The following RGS7BP variants were observed in gnomAD, a reference collection of about 807,000 sequenced individuals.
RGS7BP encodes regulator of G protein signaling 7-binding protein.
Under a neutral mutation model 31.3 loss-of-function variants are expected in RGS7BP, and 9 were observed. The ratio of observed to expected loss-of-function variants is 0.29; its 90% CI spans 0.17 to 0.50. The LOEUF is 0.50. Among genes scored for constraint, RGS7BP ranks in the 20% least tolerant of loss-of-function variants. RGS7BP has a pLI of 0.98. For missense variants in RGS7BP, 274 were observed against 322.0 expected (o/e 0.85, Z 1.14); for synonymous variants, 115 against 120.1 (o/e 0.96, Z 0.28).
At chr5:64,529,223 T>C (rs1050027371) in intron 2 of RGS7BP, among the ~76,000 whole-genome samples, 12 of 152,206 alleles carry the variant, frequency 7.9e-5, no homozygotes, top group Non-Finnish European at 1.6e-4. Context: ...ATAGAATATT[T>C]CATTTCAGAA....
At chr5:64,538,517 C>CCTTTT (rs1171296907) in intron 2 of RGS7BP, among the ~76,000 whole-genome samples, 1 of 88,314 alleles carries the variant, frequency 1.1e-5, no homozygotes, top group Non-Finnish European at 2.4e-5. Context: ...TTTTTTTTTT[C>CCTTTT]CTTTTCTTTT....
chr5:64,550,465 C>T, intron 2 of RGS7BP, among the ~76,000 whole-genome samples: 1 of 150,364 alleles, frequency 6.7e-6, no homozygotes, highest in East Asian at 1.9e-4. Flanking sequence ...CTAAATACCC[C>T]ATCTCCAAAT....
At chr5:64,526,086 A>G (rs1190085648) in intron 2 of RGS7BP, among the ~76,000 whole-genome samples, 1 of 152,140 alleles carries the variant, frequency 6.6e-6, no homozygotes, top group Non-Finnish European at 1.5e-5. Context: ...TTGACAAGGG[A>G]AGAAGGCTTT....
intron 2 of RGS7BP, among the ~76,000 whole-genome samples, chr5:64,527,090 C>T (rs1749249837): frequency 6.6e-6 from 1 of 152,186 alleles, no homozygotes; most frequent in African/African-American, 2.4e-5. Context: ...GTAACATACT[C>T]GGGTCCAGTT....
At chr5:64,535,181 G>A (rs1032437658) in intron 2 of RGS7BP, among the ~76,000 whole-genome samples, 1 of 152,186 alleles carries the variant, frequency 6.6e-6, no homozygotes, top group Admixed American at 6.5e-5. Context: ...AGTGAGATGT[G>A]AGGACGTGGA....
At chr5:64,559,644 G>T (rs1459761920) in intron 2 of RGS7BP, among the ~76,000 whole-genome samples, 1 of 152,104 alleles carries the variant, frequency 6.6e-6, no homozygotes, top group Non-Finnish European at 1.5e-5. Flanking sequence ...GGGATCAGAG[G>T]AAGGAGGAGG....
At chr5:64,542,957 G>C (rs572252587) in intron 2 of RGS7BP, among the ~76,000 whole-genome samples, 2 of 152,084 alleles carry the variant, frequency 1.3e-5, no homozygotes, top group African/African-American at 4.8e-5. Context: ...TTTCTTTCTT[G>C]TGGAAGTAGA....
chr5:64,588,929 T>TA (rs924543594), intron 3 of RGS7BP, among the ~76,000 whole-genome samples: 15 of 148,924 alleles, frequency 1.0e-4, no homozygotes, highest in East Asian at 5.9e-4. Flanking sequence ...TCCCCAACCC[T>TA]AAAAAAAAAA....
chr5:64,527,492 G>T (rs2111914137), intron 2 of RGS7BP, among the ~76,000 whole-genome samples: 1 of 152,084 alleles, frequency 6.6e-6, no homozygotes, highest in African/African-American at 2.4e-5. Flanking sequence ...CAAGATTTCA[G>T]CTGGGTAATT....
chr5:64,581,655 T>G (rs1359658172), intron 3 of RGS7BP, among the ~76,000 whole-genome samples: 2 of 152,206 alleles, frequency 1.3e-5, no homozygotes, highest in African/African-American at 4.8e-5. Flanking sequence ...GCAGTGAACT[T>G]GAATTTAGTA....
intron 2 of RGS7BP, among the ~76,000 whole-genome samples, chr5:64,541,790 A>T: frequency 6.6e-6 from 1 of 151,576 alleles, no homozygotes; most frequent in Non-Finnish European, 1.5e-5. Flanking sequence ...TACTAAATCC[A>T]CCTCTGTCAA....
chr5:64,541,707 A>C (rs1741529607), intron 2 of RGS7BP, among the ~76,000 whole-genome samples: 1 of 152,010 alleles, frequency 6.6e-6, no homozygotes, highest in African/African-American at 2.4e-5. Flanking sequence ...CCATTTGACA[A>C]TTATTTGTTT....
intron 2 of RGS7BP, among the ~76,000 whole-genome samples, chr5:64,516,788 A>G (rs1748988162): frequency 1.3e-5 from 2 of 152,116 alleles, no homozygotes; most frequent in South Asian, 4.1e-4. Context: ...GCGATTCTCA[A>G]CCTGGGCTGC....
At chr5:64,596,575 A>G (rs1330434009) in intron 4 of RGS7BP, among the ~76,000 whole-genome samples, 2 of 152,064 alleles carry the variant, frequency 1.3e-5, no homozygotes, top group Non-Finnish European at 2.9e-5. Context: ...GAGATCTTAC[A>G]TGAAAACAGA....
intron 2 of RGS7BP, among the ~76,000 whole-genome samples, chr5:64,541,668 A>G (rs970477362): frequency 6.6e-6 from 1 of 152,214 alleles, no homozygotes; most frequent in African/African-American, 2.4e-5. Context: ...ATGTAGTTGT[A>G]CTTACAGTTA....
At chr5:64,570,981 ATCTT>A (rs1742289068) in intron 2 of RGS7BP, among the ~76,000 whole-genome samples, 1 of 152,004 alleles carries the variant, frequency 6.6e-6, no homozygotes, top group African/African-American at 2.4e-5. Flanking sequence ...TCAAATGCAA[ATCTT>A]AAGTGTACCA....
chr5:64,543,636 G>A (rs1741580507), intron 2 of RGS7BP, among the ~76,000 whole-genome samples: 1 of 152,244 alleles, frequency 6.6e-6, no homozygotes, highest in African/African-American at 2.4e-5. Flanking sequence ...CACAGCTTAA[G>A]TCCAATGTCC....
At chr5:64,525,099 C>G (rs1749198749) in intron 2 of RGS7BP, among the ~76,000 whole-genome samples, 1 of 152,030 alleles carries the variant, frequency 6.6e-6, no homozygotes, top group African/African-American at 2.4e-5. Context: ...ACCACTCAAC[C>G]CGCCATCATC....
chr5:64,512,012 C>A (rs185923088), intron 2 of RGS7BP, among the ~76,000 whole-genome samples: 6 of 152,142 alleles, frequency 3.9e-5, no homozygotes, highest in Non-Finnish European at 1.5e-5. Context: ...ATCAGCCACA[C>A]CTGAGAATGA....
Sources: gnomAD v4.1 joint callset for allele counts (sites outside exome capture counted in the v4.1 genomes callset) on GRCh38, gnomAD v4.1.1 for gene constraint, MANE v1.5 for transcripts, NCBI Gene and HGNC (gene_info 2026-07-23, HGNC 2026-07-21) for gene names.